Variants in LRCH1 observed in about 807,000 individuals in gnomAD.
LRCH1 encodes the protein leucine-rich repeat and calponin homology domain-containing protein 1.
In LRCH1, 23 loss-of-function variants were observed where a neutral mutation model predicts 94.9. That is an observed-to-expected ratio of 0.24 (90% CI 0.17 to 0.34). The LOEUF (loss-of-function observed/expected upper bound fraction) is 0.34. Ranked by LOEUF, LRCH1 falls within the 10% of genes least tolerant of loss-of-function variation. The pLI is 1.00. For missense variants in LRCH1, 790 were observed against 945.9 expected, an observed-to-expected ratio of 0.84 and a Z score of 2.16; for synonymous variants, 364 against 354.9, an observed-to-expected ratio of 1.03 and a Z score of -0.29.
intron 16 of LRCH1, among the ~76,000 whole-genome samples, chr13:46,721,032 C>T (rs943758708): frequency 1.3e-5 from 2 of 152,064 alleles, no homozygotes; most frequent in African/African-American, 4.8e-5. Context: ...AGCAAATGCC[C>T]ACACATGCAT....
chr13:46,711,215 T>C (rs1872046446), intron 13 of LRCH1, among the ~76,000 whole-genome samples: 1 of 152,228 alleles, frequency 6.6e-6, no homozygotes, highest in African/African-American at 2.4e-5. Context: ...TCATTCCTGC[T>C]GGAAATCGGG....
chr13:46,623,204 C>T (rs1323640875), intron 1 of LRCH1, among the ~76,000 whole-genome samples: 2 of 152,022 alleles, frequency 1.3e-5, no homozygotes, highest in African/African-American at 4.8e-5. Flanking sequence ...TTAGTGCAAT[C>T]CTGCCTCATC....
chr13:46,606,467 T>A (rs2050688615), intron 1 of LRCH1, among the ~76,000 whole-genome samples: 1 of 152,194 alleles, frequency 6.6e-6, no homozygotes, highest in South Asian at 2.1e-4. Flanking sequence ...TTTATAGCAT[T>A]TCCCCCCTTC....
At chr13:46,731,905 GAC>G (rs1409023287) in intron 18 of LRCH1, among the ~76,000 whole-genome samples, 2 of 152,084 alleles carry the variant, frequency 1.3e-5, no homozygotes, top group East Asian at 3.9e-4. Flanking sequence ...AACGCCTTAG[GAC>G]AGGGTTTCTT....
At chr13:46,618,739 G>A (rs1002225944) in intron 1 of LRCH1, among the ~76,000 whole-genome samples, 9 of 152,266 alleles carry the variant, frequency 5.9e-5, no homozygotes, top group Admixed American at 2.0e-4. Context: ...TAGTGTACTC[G>A]GAGGAACTTG....
At chr13:46,573,866 A>ATATATATATTTT in intron 1 of LRCH1, among the ~76,000 whole-genome samples, 14 of 63,388 alleles carry the variant, frequency 2.2e-4, no homozygotes, top group Admixed American at 4.3e-4. Context: ...ATATATATAT[A>ATATATATATTTT]TTTTTTTTTT....
At chr13:46,582,364 T>G (rs1202169420) in intron 1 of LRCH1, among the ~76,000 whole-genome samples, 1 of 123,182 alleles carries the variant, frequency 8.1e-6, no homozygotes, top group Non-Finnish European at 1.6e-5. Flanking sequence ...CAACCGTTGC[T>G]CTCATCTTTT....
At chr13:46,655,549 A>C (rs928159755) in intron 2 of LRCH1, among the ~76,000 whole-genome samples, 2 of 152,244 alleles carry the variant, frequency 1.3e-5, no homozygotes, top group Non-Finnish European at 2.9e-5. Flanking sequence ...GCCAAGAACA[A>C]TAAAAATGAT....
In LRCH1 at chr13:46,553,291, G is replaced by C. The variant is rs1171647550; in HGVS notation, c.-106G>C. The stretch of plus-strand genomic sequence containing the variant: ...TCCTCCCCTCCTTCCAGCGCCTTTC[G>C]GTGGAGCACTGCGGCACTCAGCCCG... On this transcript the variant is annotated 5_prime_UTR_variant, in exon 1 of 20. Coordinates refer to ENST00000389797, the MANE Select transcript of LRCH1 (RefSeq NM_001164211.2). 2.3e-6 allele frequency: 2 copies of C among 876,178 alleles called. No individual in the cohort carries two copies. Among genetic ancestry groups the C allele is most frequent in the Admixed American group, 5.6e-5 (2 of 35,622 alleles). 54.3% of individuals were successfully genotyped at this position (876,178 alleles called of 1,614,324 possible).
chr13:46,711,421 G>A (rs1241774683), intron 13 of LRCH1, among the ~76,000 whole-genome samples: 1 of 152,068 alleles, frequency 6.6e-6, no homozygotes, highest in Non-Finnish European at 1.5e-5. Flanking sequence ...TGCATATTTA[G>A]GAAGTACTAC....
chr13:46,652,315 G>A (rs1225041710), intron 2 of LRCH1, among the ~76,000 whole-genome samples: 2 of 151,680 alleles, frequency 1.3e-5, no homozygotes, highest in South Asian at 2.1e-4. Flanking sequence ...TGACCTCGTG[G>A]TCCACCCGCC....
At chr13:46,749,004 A>T (rs925184558), downstream of LRCH1, among the ~76,000 whole-genome samples, 1 of 152,340 alleles carries the variant, frequency 6.6e-6, no homozygotes, top group African/African-American at 2.4e-5. Flanking sequence ...TTTTAAGCAC[A>T]GAGTGCCTGT....
chr13:46,646,352 G>A (rs141502928), intron 1 of LRCH1, among the ~76,000 whole-genome samples: 4 of 152,188 alleles, frequency 2.6e-5, no homozygotes, highest in African/African-American at 4.8e-5. Context: ...TAAGCAATGC[G>A]TTGATATCTC....
intron 16 of LRCH1, among the ~76,000 whole-genome samples, chr13:46,722,138 T>C (rs1355550070): frequency 6.6e-6 from 1 of 152,218 alleles, no homozygotes; most frequent in Non-Finnish European, 1.5e-5. Context: ...TTACACATTC[T>C]TTCTTATTCA....
intron 1 of LRCH1, among the ~76,000 whole-genome samples, chr13:46,593,593 T>G (rs2050526218): frequency 6.6e-6 from 1 of 152,194 alleles, no homozygotes; most frequent in Non-Finnish European, 1.5e-5. Flanking sequence ...AAATTTGTTC[T>G]GTGTGTTGGC....
chr13:46,579,463 C>CT (rs138919787), intron 1 of LRCH1, among the ~76,000 whole-genome samples: 120,605 of 146,736 alleles, frequency 0.82, 49,454 homozygotes, highest in East Asian at 0.9. Flanking sequence ...AATTTCTTTT[C>CT]TTTTTTTTTT....
Position 46,743,762 on chromosome 13 carries a change from G to C in LRCH1, c.*1914G>C, listed in dbSNP as rs1984247. The C allele has an allele frequency of 0.98, 969,676 of 984,894 alleles. 478,187 individuals are homozygous for C. The highest frequency in any genetic ancestry group is 1 in the Non-Finnish European group (828,312 of 829,600). 61.0% of individuals were successfully genotyped at this position (984,894 alleles called of 1,614,324 possible). On this transcript the variant is annotated 3_prime_UTR_variant, in exon 20 of 20. Coordinates refer to ENST00000389797, the MANE Select transcript of LRCH1 (RefSeq NM_001164211.2). ...AAAAAAAAAGAAAACTTACTGGGTT[G>C]CCACCTTAAAATAATATCAATAAAA...
At chr13:46,730,297 T>C (rs999867731) in intron 18 of LRCH1, among the ~76,000 whole-genome samples, 3 of 152,248 alleles carry the variant, frequency 2.0e-5, no homozygotes, top group Admixed American at 6.5e-5. Flanking sequence ...AGTAAGATAC[T>C]TCATGTAATT....
chr13:46,553,345 C>T lies in LRCH1; in HGVS notation c.-52C>T. ...TGCCGTTTTCCCCTCGCGGGGAACG[C>T]TGTGACCCCCCCGCAGGAGCGGCGG... On this transcript the variant is annotated 5_prime_UTR_variant, in exon 1 of 20. Transcript: ENST00000389797. 6.9e-7 allele frequency: 1 copy of T among 1,448,642 alleles called. No individual in the cohort carries two copies. Among genetic ancestry groups the T allele is most frequent in the East Asian group, 2.5e-5 (1 of 40,420 alleles). The allele number at this position is 1,448,642 out of a possible 1,614,324, so 89.7% of individuals were successfully genotyped here.
Sources: gnomAD v4.1 joint callset for allele counts (sites outside exome capture counted in the v4.1 genomes callset) on GRCh38, gnomAD v4.1.1 for gene constraint, MANE v1.5 for transcripts, NCBI Gene and HGNC (gene_info 2026-07-23, HGNC 2026-07-21) for gene names.